The following FAM118A variants were observed in gnomAD, a reference collection of about 807,000 sequenced individuals.
FAM118A encodes the protein protein FAM118A.
In FAM118A, 25 loss-of-function variants were observed where a neutral mutation model predicts 38.2. The ratio of observed to expected loss-of-function variants is 0.65; its 90% CI spans 0.48 to 0.91. The LOEUF (loss-of-function observed/expected upper bound fraction) is 0.91. Among genes scored for constraint, FAM118A ranks in the 40% least tolerant of loss-of-function variants. The pLI is 0.00. For missense variants in FAM118A, 425 were observed against 463.3 expected, an observed-to-expected ratio of 0.92 and a Z score of 0.76; for synonymous variants, 178 against 184.1, an observed-to-expected ratio of 0.97 and a Z score of 0.27.
Position 45,332,487 on chromosome 22 carries a change from T to C in FAM118A, c.714T>C (p.Leu238=). 1 of 1,614,236 alleles carries C rather than the reference T, an allele frequency of 6.2e-7. No individual in the cohort carries two copies. Among genetic ancestry groups the C allele is most frequent in the South Asian group, 1.1e-5 (1 of 91,086 alleles). ...TGTTTGTGGGCTGTGGGGAGACCCT[T>C]CGTGATCAGATATTCCAGGCCCTCT... ...SFLFVGCGET[L]RDQIFQALFL... The change falls in exon 6 of 9, where the codon CTT becomes CTC. Residue 238 remains leucine, a synonymous_variant. Coordinates refer to ENST00000441876, the MANE Select transcript of FAM118A (RefSeq NM_017911.4).
intron 8 of FAM118A, among the ~76,000 whole-genome samples, chr22:45,339,451 G>A (rs1204774794): frequency 1.3e-5 from 2 of 150,172 alleles, no homozygotes; most frequent in African/African-American, 4.9e-5. Flanking sequence ...TGCACTTGGG[G>A]GCACACATGT....
chr22:45,325,181 A>G (rs1028399461), intron 3 of FAM118A, among the ~76,000 whole-genome samples: 2 of 152,204 alleles, frequency 1.3e-5, no homozygotes, highest in African/African-American at 4.8e-5. Flanking sequence ...GTTGTCCTTC[A>G]GGTGAAGAGA....
chr22:45,322,706 TACAGATGG>T (rs2084952622), intron 2 of FAM118A, among the ~76,000 whole-genome samples: 1 of 152,198 alleles, frequency 6.6e-6, no homozygotes, highest in Non-Finnish European at 1.5e-5. Flanking sequence ...ATTCTTTGAC[TACAGATGG>T]ACAGCAGCTT....
At chr22:45,338,900 G>A (rs1336457727) in intron 8 of FAM118A, among the ~76,000 whole-genome samples, 1 of 152,190 alleles carries the variant, frequency 6.6e-6, no homozygotes, top group African/African-American at 2.4e-5. Context: ...TTCTTAGTGA[G>A]TGCAAATTTA....
At chr22:45,315,934 C>T (rs1183222303) in intron 1 of FAM118A, among the ~76,000 whole-genome samples, 6 of 152,212 alleles carry the variant, frequency 3.9e-5, no homozygotes, top group Non-Finnish European at 7.3e-5. Flanking sequence ...TCAGGTGACC[C>T]TAGTCATGCT....
intron 3 of FAM118A, among the ~76,000 whole-genome samples, chr22:45,325,649 G>A (rs2146652193): frequency 6.6e-6 from 1 of 152,296 alleles, no homozygotes; most frequent in Middle Eastern, 3.4e-3. Flanking sequence ...AAGGATCCAG[G>A]TCTTGGTAAC....
intron 2 of FAM118A, 77 bp downstream of exon 2, chr22:45,322,503 CT>C: frequency 7.9e-7 from 1 of 1,273,368 alleles, no homozygotes; most frequent in Non-Finnish European, 1.1e-6. Flanking sequence ...CGCACTCGTT[CT>C]TTAGTACCTG....
intron 3 of FAM118A, among the ~76,000 whole-genome samples, chr22:45,324,389 C>T (rs1442325181): frequency 2.0e-5 from 3 of 151,960 alleles, no homozygotes; most frequent in Non-Finnish European, 2.9e-5. Context: ...GCGGGGAGTG[C>T]GTGGAGGAGG....
chr22:45,325,019 C>T (rs939308649), intron 3 of FAM118A, among the ~76,000 whole-genome samples: 2 of 152,170 alleles, frequency 1.3e-5, no homozygotes, highest in African/African-American at 4.8e-5. Flanking sequence ...TGCACTCTAT[C>T]CTGGGCAACA....
intron 3 of FAM118A, among the ~76,000 whole-genome samples, chr22:45,325,832 C>T (rs569014363): frequency 1.3e-5 from 2 of 152,246 alleles, no homozygotes; most frequent in South Asian, 2.1e-4. Flanking sequence ...TCACCTTCAT[C>T]GGTGCAGGGA....
At chr22:45,312,959 C>T (rs757689593) in intron 1 of FAM118A, among the ~76,000 whole-genome samples, 3 of 152,108 alleles carry the variant, frequency 2.0e-5, no homozygotes, top group Non-Finnish European at 2.9e-5. Flanking sequence ...TGGTGATCAA[C>T]GTAATCTTTA....
At chr22:45,312,551 G>A (rs1265490722) in intron 1 of FAM118A, among the ~76,000 whole-genome samples, 1 of 152,150 alleles carries the variant, frequency 6.6e-6, no homozygotes, top group Non-Finnish European at 1.5e-5. Flanking sequence ...GTGTGCACCT[G>A]TAATCTCAGC....
intron 3 of FAM118A, 79 bp from the exon 4 acceptor site, chr22:45,327,763 C>T: frequency 7.0e-7 from 1 of 1,436,182 alleles, no homozygotes; most frequent in Non-Finnish European, 9.7e-7. Flanking sequence ...ATCTCTGGCA[C>T]CCAGAAAATG....
intron 1 of FAM118A, among the ~76,000 whole-genome samples, chr22:45,317,849 C>G (rs981020927): frequency 6.6e-6 from 1 of 152,146 alleles, no homozygotes; most frequent in African/African-American, 2.4e-5. Flanking sequence ...CAGGCTCTGT[C>G]GTAAAGGGTG....
intron 7 of FAM118A, among the ~76,000 whole-genome samples, chr22:45,335,928 A>G (rs2086058534): frequency 6.6e-6 from 1 of 152,134 alleles, no homozygotes; most frequent in African/African-American, 2.4e-5. Flanking sequence ...ATTTGGGTAA[A>G]AGGGACTCTG....
At position 45,341,846 on chromosome 22, in the gene FAM118A, G is replaced by C. The variant is rs771364624; in HGVS notation, c.*1441G>C. On this transcript the variant is annotated 3_prime_UTR_variant, in exon 9 of 9. Transcript: ENST00000441876. Reference sequence around the variant, plus strand: ...AAAGTTAAGAACAGGAAACAGAAGGGTAGGATGCATAGGGAGGGAGAGAAG... The same window carrying C: ...AAAGTTAAGAACAGGAAACAGAAGGCTAGGATGCATAGGGAGGGAGAGAAG... 2 of 152,206 alleles carry C rather than the reference G, an allele frequency of 1.3e-5. No homozygotes were observed. The highest frequency in any genetic ancestry group is 2.9e-5 in the Non-Finnish European group (2 of 68,044). 9.4% of individuals were successfully genotyped at this position (152,206 alleles called of 1,614,324 possible).
chr22:45,339,709 G>C (rs551572423), intron 8 of FAM118A, among the ~76,000 whole-genome samples: 3 of 152,148 alleles, frequency 2.0e-5, no homozygotes, highest in African/African-American at 7.2e-5. Flanking sequence ...AGGCCCGGGC[G>C]ATTATTCTCA....
chr22:45,335,912 C>T (rs759019420), intron 7 of FAM118A, among the ~76,000 whole-genome samples: 25 of 152,210 alleles, frequency 1.6e-4, no homozygotes, highest in African/African-American at 4.3e-4. Flanking sequence ...CTCCCCTTGC[C>T]GAATCATTTG....
At chr22:45,321,852 G>A (rs576375438) in intron 1 of FAM118A, 1 of 170,838 alleles carries the variant, frequency 5.9e-6, no homozygotes, top group Admixed American at 5.6e-5. Context: ...TAAGGCCGAG[G>A]GGAGGGCTGG....
Sources: allele counts gnomAD v4.1 joint callset (sites outside exome capture counted in the v4.1 genomes callset), GRCh38; gene constraint gnomAD v4.1.1; transcripts MANE v1.5; gene names NCBI Gene and HGNC (gene_info 2026-07-23, HGNC 2026-07-21).